The following PRLHR variants were observed in gnomAD, a reference collection of about 807,000 sequenced individuals.
PRLHR encodes prolactin releasing hormone receptor.
PRLHR carries 10 observed loss-of-function variants against 9.3 expected under a neutral mutation model. That is an observed-to-expected ratio of 1.08 (90% CI 0.66 to 1.82). The LOEUF (loss-of-function observed/expected upper bound fraction) is 1.82. Ranked by LOEUF, PRLHR falls within the 40% of genes most tolerant of loss-of-function variation. The probability of loss-of-function intolerance (pLI) is 0.00; values close to 1 mark genes in which losing one functional copy is unlikely to be tolerated. For synonymous variants in PRLHR, 261 were observed against 249.3 expected (o/e 1.05, Z -0.44); for missense variants, 589 against 512.0 (o/e 1.15, Z -1.45).
At position 118,592,135 on chromosome 10, in the gene PRLHR, AG is replaced by A. The variant is rs74264539; in HGVS notation, c.*1996del. The A allele has an allele frequency of 6.2e-3, 917 of 148,936 alleles. 6 individuals carry two copies. Among genetic ancestry groups the A allele is most frequent in the Non-Finnish European group, 7.5e-3 (504 of 66,830 alleles). 9.2% of individuals were successfully genotyped at this position (148,936 alleles called of 1,614,324 possible). ...GAGAGCCCAGACATCAATTACAAAAAGAAAAAAAAGTTCCCCAGGTGATTCT... is the reference window on the plus strand; with the variant it reads ...GAGAGCCCAGACATCAATTACAAAAAAAAAAAAAGTTCCCCAGGTGATTCT... On this transcript the variant is annotated 3_prime_UTR_variant, in exon 2 of 2. Coordinates refer to ENST00000239032, the MANE Select transcript of PRLHR (RefSeq NM_004248.3).
intron 1 of PRLHR, 69 bp from the exon 2 acceptor site, chr10:118,595,319 G>A (rs1844485759): frequency 2.9e-6 from 4 of 1,391,320 alleles, no homozygotes; most frequent in Non-Finnish European, 2.9e-6. Flanking sequence ...CACCAGCCGC[G>A]CCCCTCCCCC....
rs991827167 is a variant in PRLHR, at chr10:118,592,263, A to G, written c.*1869T>C. 5 of 152,056 alleles carry G rather than the reference A, an allele frequency of 3.3e-5. No individual in the cohort carries two copies. In the East Asian group the frequency reaches 9.7e-4, roughly 29 times the overall value. The allele number at this position is 152,056 out of a possible 1,614,324, so 9.4% of individuals were successfully genotyped here. On this transcript the variant is annotated 3_prime_UTR_variant, in exon 2 of 2. Coordinates refer to ENST00000239032, the MANE Select transcript of PRLHR (RefSeq NM_004248.3). ...ATAATCCCTCTCCTTCCCCTCTACCATCTACACTCTCCACACATGACCATC... is the reference window on the plus strand; with the variant it reads ...ATAATCCCTCTCCTTCCCCTCTACCGTCTACACTCTCCACACATGACCATC...
Position 118,594,071 on chromosome 10 carries a change from A to AGTG in PRLHR, c.*58_*60dup. ...GAGAATAAGCACCAGATTGACCTCG[A>AGTG]GTGGTGCCCTAGGAGGCCAGTTGAA... On this transcript the variant is annotated 3_prime_UTR_variant, in exon 2 of 2. Coordinates refer to ENST00000239032, the MANE Select transcript of PRLHR (RefSeq NM_004248.3). 4.0e-6 allele frequency: 6 copies of AGTG among 1,501,542 alleles called. No homozygotes were observed. Among genetic ancestry groups the AGTG allele is most frequent in the Non-Finnish European group, 5.3e-6 (6 of 1,124,714 alleles). 93.0% of individuals were successfully genotyped at this position (1,501,542 alleles called of 1,614,324 possible).
chr10:118,595,103 T>A lies in PRLHR; in HGVS notation c.142A>T (p.Thr48Ser). 1 of 1,604,326 alleles carries A rather than the reference T, an allele frequency of 6.2e-7. No individual in the cohort carries two copies. Reference protein sequence around the residue: ...SVAGADAPAVTPFQSLQLVHQ... With the variant: ...SVAGADAPAVSPFQSLQLVHQ... ...ACCAGCTGCAGGCTCTGGAAGGGCGTGACGGCTGGAGCGTCCGCGCCAGCC... is the reference window on the plus strand; with the variant it reads ...ACCAGCTGCAGGCTCTGGAAGGGCGAGACGGCTGGAGCGTCCGCGCCAGCC... The change falls in exon 2 of 2, where the codon ACG (threonine) becomes TCG (serine). Residue 48 changes from threonine to serine, a missense_variant. Thr to Ser is a moderately conservative substitution (Grantham distance 58). Transcript: ENST00000239032.
Position 118,593,535 on chromosome 10 carries a change from T to A in PRLHR, c.*597A>T, listed in dbSNP as rs1353971706. 6.6e-6 allele frequency: 1 copy of A among 152,214 alleles called. No homozygotes were observed. The highest frequency in any genetic ancestry group is 2.4e-5 in the African/African-American group (1 of 41,448). 9.4% of individuals were successfully genotyped at this position (152,214 alleles called of 1,614,324 possible). On this transcript the variant is annotated 3_prime_UTR_variant, in exon 2 of 2. Coordinates refer to ENST00000239032, the MANE Select transcript of PRLHR (RefSeq NM_004248.3). Reference sequence around the variant, plus strand: ...GGAGCTTGTAGGTGTTTTTGTACTATAAACTCAAGTGGTTTTAAAACGAAA... The same window carrying A: ...GGAGCTTGTAGGTGTTTTTGTACTAAAAACTCAAGTGGTTTTAAAACGAAA...
Position 118,594,260 on chromosome 10 carries a change from A to C in PRLHR, c.985T>G (p.Cys329Gly). 1 of 1,605,908 alleles carries C rather than the reference A, an allele frequency of 6.2e-7. No homozygotes were observed. Among genetic ancestry groups the C allele is most frequent in the Non-Finnish European group, 8.5e-7 (1 of 1,176,566 alleles). The change falls in exon 2 of 2, where the codon TGC (cysteine) becomes GGC (glycine). Residue 329 changes from cysteine (C) to glycine (G), a missense_variant. Cys to Gly is a radical substitution (Grantham distance 159, BLOSUM62 -3). Transcript: ENST00000239032. ...LCHWLAMSSA[C>G]YNPFIYAWLH... Reference sequence around the variant, plus strand: ...CAGGCGTAGATGAAGGGGTTGTAGCAGGCCGAACTCATGGCGAGCCAGTGG... The same window carrying C: ...CAGGCGTAGATGAAGGGGTTGTAGCCGGCCGAACTCATGGCGAGCCAGTGG...
Position 118,594,072 on chromosome 10 carries a change from G to A in PRLHR, c.*60C>T, listed in dbSNP as rs955991731. The stretch of plus-strand genomic sequence containing the variant: ...AGAATAAGCACCAGATTGACCTCGA[G>A]TGGTGCCCTAGGAGGCCAGTTGAAG... On this transcript the variant is annotated 3_prime_UTR_variant, in exon 2 of 2. Coordinates refer to ENST00000239032, the MANE Select transcript of PRLHR (RefSeq NM_004248.3). 139 of 1,502,836 alleles carry A rather than the reference G, an allele frequency of 9.2e-5. No homozygotes were observed. Among genetic ancestry groups the A allele is most frequent in the Middle Eastern group, 1.8e-4 (1 of 5,526 alleles). 93.1% of individuals were successfully genotyped at this position (1,502,836 alleles called of 1,614,324 possible). A position where few individuals can be genotyped will look rare whatever the true frequency, so the allele number is the denominator to read the frequency against.
At position 118,593,920 on chromosome 10, in the gene PRLHR, C is replaced by T. The variant is rs927334844; in HGVS notation, c.*212G>A. ...TTCCCTCTCTTTGGCCTCCCCCAAG[C>T]AAAGAGCAAGACTCTCACCAAAGCC... On this transcript the variant is annotated 3_prime_UTR_variant, in exon 2 of 2. Coordinates refer to ENST00000239032, the MANE Select transcript of PRLHR (RefSeq NM_004248.3). 5 of 765,728 alleles carry T rather than the reference C, an allele frequency of 6.5e-6. No homozygotes were observed. Among genetic ancestry groups the T allele is most frequent in the Non-Finnish European group, 7.1e-6 (4 of 564,354 alleles). The allele number at this position is 765,728 out of a possible 1,614,324, so 47.4% of individuals were successfully genotyped here.
rs774458026 is a variant in PRLHR, at chr10:118,594,245, T to G, written c.1000A>C (p.Ile334Leu). The G allele has an allele frequency of 1.9e-6, 3 of 1,603,406 alleles. No individual in the cohort carries two copies. The highest frequency in any genetic ancestry group is 2.6e-6 in the Non-Finnish European group (3 of 1,175,190). ...AAGCTGTCGTGCAGCCAGGCGTAGA[T>G]GAAGGGGTTGTAGCAGGCCGAACTC... Reference protein sequence around the residue: ...AMSSACYNPFIYAWLHDSFRE... With the variant: ...AMSSACYNPFLYAWLHDSFRE... The change falls in exon 2 of 2, where the codon ATC (isoleucine) becomes CTC (leucine). Residue 334 changes from isoleucine to leucine, a missense_variant. Coordinates refer to ENST00000239032, the MANE Select transcript of PRLHR (RefSeq NM_004248.3).
rs1844456393 is a variant in PRLHR at position 118,594,096 on chromosome 10, A to T, written c.*36T>A. On this transcript the variant is annotated 3_prime_UTR_variant, in exon 2 of 2. Coordinates refer to ENST00000239032, the MANE Select transcript of PRLHR (RefSeq NM_004248.3). Reference sequence around the variant, plus strand: ...AGTGGTGCCCTAGGAGGCCAGTTGAAGTGGAGCTCCTTGACCAAGGCCTGG... The same window carrying T: ...AGTGGTGCCCTAGGAGGCCAGTTGATGTGGAGCTCCTTGACCAAGGCCTGG... The T allele has an allele frequency of 6.6e-7, 1 of 1,506,626 alleles. No individual in the cohort carries two copies. Among genetic ancestry groups the T allele is most frequent in the Admixed American group, 2.3e-5 (1 of 43,818 alleles). The allele number at this position is 1,506,626 out of a possible 1,614,324, so 93.3% of individuals were successfully genotyped here.
Position 118,594,490 on chromosome 10 carries a change from A to T in PRLHR, c.755T>A (p.Leu252His), listed in dbSNP as rs1034435851. Residue 252 changes from leucine (L) to histidine (H), a missense_variant, in exon 2 of 2, where the codon CTC becomes CAC. Physicochemically the swap from Leu to His is moderately conservative, Grantham distance 99. Coordinates refer to ENST00000239032, the MANE Select transcript of PRLHR (RefSeq NM_004248.3). ...LLSYVRVSVK[L>H]RNRVVPGCVT... ...GCAGCCCGGCACCACGCGGTTGCGG[A>T]GCTTCACTGACACCCGGACGTAAGA... The T allele has an allele frequency of 2.5e-6, 4 of 1,598,938 alleles. No individual in the cohort carries two copies. The highest frequency in any genetic ancestry group is 3.4e-6 in the Non-Finnish European group (4 of 1,175,854).
chr10:118,594,958 T>G lies in PRLHR; in HGVS notation c.287A>C (p.Asn96Thr). 1 of 1,613,624 alleles carries G rather than the reference T, an allele frequency of 6.2e-7. No individual in the cohort carries two copies. Among genetic ancestry groups the G allele is most frequent in the Non-Finnish European group, 8.5e-7 (1 of 1,179,890 alleles). ...CAAGGCCAGGTTGCCGATGAGGAAGTTCGTCACGTTGTGCAGCCGGCGCAC... is the reference window on the plus strand; with the variant it reads ...CAAGGCCAGGTTGCCGATGAGGAAGGTCGTCACGTTGTGCAGCCGGCGCAC... ...ARVRRLHNVT[N>T]FLIGNLALSD... The change falls in exon 2 of 2, where the codon AAC (asparagine) becomes ACC (threonine). Residue 96 changes from asparagine to threonine, a missense_variant. Transcript: ENST00000239032.
chr10:118,594,128 GGCA>G lies in PRLHR; in HGVS notation c.*1_*3del. The G allele has an allele frequency of 3.3e-6, 5 of 1,518,768 alleles. No individual in the cohort carries two copies. Among genetic ancestry groups the G allele is most frequent in the Admixed American group, 2.2e-5 (1 of 45,794 alleles). The allele number at this position is 1,518,768 out of a possible 1,614,324, so 94.1% of individuals were successfully genotyped here. A position where few individuals can be genotyped will look rare whatever the true frequency, so the allele number is the denominator to read the frequency against. ...CTCCTTGACCAAGGCCTGGCTAAGT[GGCA>G]TCAGATGACCACGCTGACGGTCATA... On this transcript the variant is annotated 3_prime_UTR_variant, in exon 2 of 2. Transcript: ENST00000239032.
rs1225785735 is a variant in PRLHR, at chr10:118,592,969, T to C, written c.*1163A>G. ...AGGCACTTGTCCTCATTTACAGAAC[T>C]CACAGGAGGTTAAGGTGATGATTAT... On this transcript the variant is annotated 3_prime_UTR_variant, in exon 2 of 2. Coordinates refer to ENST00000239032, the MANE Select transcript of PRLHR (RefSeq NM_004248.3). 2.0e-5 allele frequency: 3 copies of C among 152,208 alleles called. No homozygotes were observed. The highest frequency in any genetic ancestry group is 2.9e-5 in the Non-Finnish European group (2 of 68,046). The allele number at this position is 152,208 out of a possible 1,614,324, so 9.4% of individuals were successfully genotyped here.
rs571709712 is a variant in PRLHR at position 118,590,400 on chromosome 10, T to C, written c.*3732A>G. On this transcript the variant is annotated 3_prime_UTR_variant, in exon 2 of 2. Transcript: ENST00000239032. ...CAAAAAATCAGACGGTTATAGGAACTGGAATATCCTTACCTTAGCATCTCT... is the reference window on the plus strand; with the variant it reads ...CAAAAAATCAGACGGTTATAGGAACCGGAATATCCTTACCTTAGCATCTCT... 42 of 152,364 alleles carry C rather than the reference T, an allele frequency of 2.8e-4. No homozygotes were observed. Among genetic ancestry groups the C allele is most frequent in the African/African-American group, 9.6e-4 (40 of 41,582 alleles). The allele number at this position is 152,364 out of a possible 1,614,324, so 9.4% of individuals were successfully genotyped here.
In PRLHR at chr10:118,594,185, G is replaced by T. The variant is rs1434617568; in HGVS notation, c.1060C>A (p.Pro354Thr). The change falls in exon 2 of 2, where the codon CCC becomes ACC. Residue 354 changes from proline (P) to threonine (T), a missense_variant. By Grantham distance (38) the Pro-to-Thr change is conservative (BLOSUM62 -1). Transcript: ENST00000239032. ...EELRKLLVAW[P>T]RKIAPHGQNM... ...TGGCCATGGGGGGCTATCTTGCGGG[G>T]CCAAGCGACCAACAGTTTGCGCAGC... is the stretch of plus-strand genomic sequence containing the variant. 11 of 1,560,656 alleles carry T rather than the reference G, an allele frequency of 7.0e-6. No individual in the cohort carries two copies. Among genetic ancestry groups the T allele is most frequent in the Non-Finnish European group, 9.5e-6 (11 of 1,152,024 alleles).
In PRLHR at chr10:118,590,223, T is replaced by C. The variant is rs1844420945; in HGVS notation, c.*3909A>G. 1 of 152,204 alleles carries C rather than the reference T, an allele frequency of 6.6e-6. No individual in the cohort carries two copies. Among genetic ancestry groups the C allele is most frequent in the Non-Finnish European group, 1.5e-5 (1 of 68,032 alleles). The allele number at this position is 152,204 out of a possible 1,614,324, so 9.4% of individuals were successfully genotyped here. On this transcript the variant is annotated 3_prime_UTR_variant, in exon 2 of 2. Coordinates refer to ENST00000239032, the MANE Select transcript of PRLHR (RefSeq NM_004248.3). ...TGTTCACTCCCAGATCTAGCCACAC[T>C]CTTGAGGTTAGTTTTGTGCCTTGCA...
rs758565576 is a variant in PRLHR, at chr10:118,594,856, C to T, written c.389G>A (p.Gly130Asp). Residue 130 changes from glycine to aspartate, a missense_variant, in exon 2 of 2, where the codon GGC (glycine) becomes GAC (aspartate). By Grantham distance (94) the Gly-to-Asp change is moderately conservative. Coordinates refer to ENST00000239032, the MANE Select transcript of PRLHR (RefSeq NM_004248.3). ...GAAGACCAGGTGGCACAGGCCGCCG[C>T]CGAACACCCAGCCGCGTGGCTCGAA... Reference protein sequence around the residue: ...YAFEPRGWVFGGGLCHLVFFL... With the variant: ...YAFEPRGWVFDGGLCHLVFFL... 3 of 1,613,292 alleles carry T rather than the reference C, an allele frequency of 1.9e-6. No individual in the cohort carries two copies. Among genetic ancestry groups the T allele is most frequent in the Non-Finnish European group, 2.5e-6 (3 of 1,179,882 alleles).
chr10:118,590,450 G>A lies in PRLHR; in HGVS notation c.*3682C>T, dbSNP rs936507464. Reference sequence around the variant, plus strand: ...TCACAATTGCTATTTCCAGGTAGCTGTTGGAGCATGCATTGAAACACTCTT... The same window carrying A: ...TCACAATTGCTATTTCCAGGTAGCTATTGGAGCATGCATTGAAACACTCTT... On this transcript the variant is annotated 3_prime_UTR_variant, in exon 2 of 2. Transcript: ENST00000239032. 6.6e-6 allele frequency: 1 copy of A among 152,220 alleles called. No individual in the cohort carries two copies. The highest frequency in any genetic ancestry group is 1.5e-5 in the Non-Finnish European group (1 of 68,036). The allele number at this position is 152,220 out of a possible 1,614,324, so 9.4% of individuals were successfully genotyped here. A position where few individuals can be genotyped will look rare whatever the true frequency, so the allele number is the denominator to read the frequency against.
Sources: gnomAD v4.1 joint callset for allele counts on GRCh38, gnomAD v4.1.1 for gene constraint, MANE v1.5 for transcripts, NCBI Gene and HGNC (gene_info 2026-07-23, HGNC 2026-07-21) for gene names.